ABCA12: variants seen among roughly 807,000 people sequenced by gnomAD.
ABCA12 encodes the protein glucosylceramide transporter ABCA12.
A neutral mutation model predicts 293.5 loss-of-function variants in ABCA12; 156 were observed. That is an observed-to-expected ratio of 0.53 (90% CI 0.47 to 0.61). The LOEUF is 0.61. Among genes scored for constraint, ABCA12 ranks in the 20% least tolerant of loss-of-function variants. ABCA12 has a pLI of 0.00. For synonymous variants in ABCA12, 1,063 were observed against 1,108.0 expected (o/e 0.96, Z 0.81); for missense variants, 2,797 against 3,090.2 (o/e 0.91, Z 2.25).
chr2:215,071,006 C>T (rs1430044479), intron 2 of ABCA12, among the ~76,000 whole-genome samples: 1 of 151,630 alleles, frequency 6.6e-6, no homozygotes, highest in African/African-American at 2.4e-5. Context: ...CATGGCGAAA[C>T]CCTGTTTCTA....
chr2:215,102,100 G>A (rs1702369201), intron 2 of ABCA12, among the ~76,000 whole-genome samples: 1 of 152,042 alleles, frequency 6.6e-6, no homozygotes. Context: ...AAAAGTCCTA[G>A]CAAATGTACA....
chr2:215,078,114 T>C (rs1701867884), intron 2 of ABCA12, among the ~76,000 whole-genome samples: 1 of 152,228 alleles, frequency 6.6e-6, no homozygotes, highest in Non-Finnish European at 1.5e-5. Context: ...ATCTCTCTTC[T>C]CGCATTTTTA....
rs367715782 is a variant in ABCA12 at position 214,953,958 on chromosome 2, A to G, written c.6543T>C (p.Phe2181=). ...ACATTGCACCTAGTTTATTCATCTC[A>G]AAGGTTTCATTTGGGTATTCCACTC... ...AYGVEYPNET[F]EMNKLGAMFV... Residue 2181 remains phenylalanine (F), a synonymous_variant, in exon 44 of 53, where the codon TTT becomes TTC. Coordinates refer to ENST00000272895, the MANE Select transcript of ABCA12 (RefSeq NM_173076.3). 1.3e-4 allele frequency: 216 copies of G among 1,614,024 alleles called. No homozygotes were observed. Among genetic ancestry groups the G allele is most frequent in the Non-Finnish European group, 1.6e-4 (193 of 1,179,990 alleles).
intron 8 of ABCA12, 72 bp downstream of exon 8, chr2:215,036,881 T>C: frequency 2.3e-6 from 3 of 1,318,402 alleles, no homozygotes; most frequent in Non-Finnish European, 3.3e-6. Context: ...ATTACTTTCA[T>C]TGCACTCTGC....
rs772743493 is a variant in ABCA12 at position 214,958,231 on chromosome 2, C to T, written c.6117+46G>A. On this transcript the variant is annotated intron_variant, in intron 41 of 52. Coordinates refer to ENST00000272895, the MANE Select transcript of ABCA12 (RefSeq NM_173076.3). The stretch of plus-strand genomic sequence containing the variant: ...GAATAGAAAACTGATGTCTTCTATC[C>T]AAATTGATCTTTTATTCCCTGCAAT... The T allele has an allele frequency of 3.1e-6, 5 of 1,609,994 alleles. No individual in the cohort carries two copies. The African/African-American group carries it at 5.3e-5, about 17-fold the overall frequency.
chr2:214,974,108 C>CTCAT, intron 35 of ABCA12, 66 bp from the exon 36 acceptor site: 2 of 1,359,848 alleles, frequency 1.5e-6, no homozygotes, highest in Non-Finnish European at 2.1e-6. Flanking sequence ...TACATATGAG[C>CTCAT]ATGTAAACAA....
At chr2:215,062,335 G>C (rs566729172) in intron 3 of ABCA12, among the ~76,000 whole-genome samples, 1 of 152,096 alleles carries the variant, frequency 6.6e-6, no homozygotes, top group South Asian at 2.1e-4. Context: ...TTATACAAGA[G>C]GGAATAGACA....
At chr2:215,003,593 G>A (rs565328416) in intron 20 of ABCA12, among the ~76,000 whole-genome samples, 163 of 151,898 alleles carry the variant, frequency 1.1e-3, no homozygotes, top group Non-Finnish European at 2.0e-3. Context: ...CTAAAATAAA[G>A]TGCTCCCTTA....
chr2:215,086,960 A>G (rs1702053154), intron 2 of ABCA12, among the ~76,000 whole-genome samples: 1 of 135,878 alleles, frequency 7.4e-6, no homozygotes, highest in Non-Finnish European at 1.5e-5. Context: ...TTATTATTTT[A>G]TGACAGAGTG....
In ABCA12 at chr2:215,138,273, G is replaced by T; in HGVS notation, c.-65C>A. On this transcript the variant is annotated 5_prime_UTR_variant, in exon 1 of 53. Transcript: ENST00000272895. ...TCCACTCCACAAATGAAGAACTGAT[G>T]CCCCGTCCAACTTGCTGTATGTCAG... is the stretch of plus-strand genomic sequence containing the variant. 2 of 1,551,460 alleles carry T rather than the reference G, an allele frequency of 1.3e-6. No individual in the cohort carries two copies. The highest frequency in any genetic ancestry group is 1.8e-6 in the Non-Finnish European group (2 of 1,123,086).
intron 1 of ABCA12, among the ~76,000 whole-genome samples, chr2:215,130,992 T>C (rs755748000): frequency 1.3e-5 from 2 of 152,024 alleles, no homozygotes; most frequent in Non-Finnish European, 2.9e-5. Context: ...TTTCTGCATC[T>C]ATTGAGATGA....
chr2:215,018,149 G>A lies in ABCA12; in HGVS notation c.1658-17C>T. The stretch of plus-strand genomic sequence containing the variant: ...GTAACTGACCTGCAAGAAGAAAAAT[G>A]TAAAAAGAAAACCCATGTTGGTTTG... On this transcript the variant is annotated splice_polypyrimidine_tract_variant and intron_variant, in intron 13 of 52. Coordinates refer to ENST00000272895, the MANE Select transcript of ABCA12 (RefSeq NM_173076.3). 1 of 1,608,432 alleles carries A rather than the reference G, an allele frequency of 6.2e-7. No homozygotes were observed. The highest frequency in any genetic ancestry group is 8.5e-7 in the Non-Finnish European group (1 of 1,177,784).
At chr2:214,941,327 T>C (rs1439434390) in intron 50 of ABCA12, among the ~76,000 whole-genome samples, 2 of 152,238 alleles carry the variant, frequency 1.3e-5, no homozygotes, top group African/African-American at 4.8e-5. Context: ...CTGTTTGTTA[T>C]GATTTCTGTT....
At chr2:214,994,418 A>G (rs1322861243) in intron 23 of ABCA12, among the ~76,000 whole-genome samples, 1 of 152,250 alleles carries the variant, frequency 6.6e-6, no homozygotes, top group Non-Finnish European at 1.5e-5. Flanking sequence ...TATAGCAGAG[A>G]ATAAGAAAGA....
intron 2 of ABCA12, among the ~76,000 whole-genome samples, chr2:215,082,150 T>G (rs1466051340): frequency 2.7e-5 from 4 of 146,064 alleles, no homozygotes. Flanking sequence ...GTTCACGCCA[T>G]TCTCCTGCCT....
chr2:215,109,377 G>C (rs1702524895), intron 2 of ABCA12, among the ~76,000 whole-genome samples: 1 of 152,090 alleles, frequency 6.6e-6, no homozygotes, highest in African/African-American at 2.4e-5. Flanking sequence ...TGTGTTGCAG[G>C]TTTCTCATTT....
chr2:215,028,514 C>A (rs1036287348), intron 9 of ABCA12, among the ~76,000 whole-genome samples: 46 of 152,100 alleles, frequency 3.0e-4, no homozygotes, highest in African/African-American at 1.1e-3. Flanking sequence ...TGGACTCAGA[C>A]CTTAGAGATT....
At chr2:214,955,927 G>T (rs1698933502) in intron 42 of ABCA12, among the ~76,000 whole-genome samples, 1 of 152,134 alleles carries the variant, frequency 6.6e-6, no homozygotes, top group Admixed American at 6.5e-5. Context: ...AAGCCTTTTA[G>T]GTTGCTCAGA....
At chr2:214,969,602 T>C (rs1035050227) in intron 37 of ABCA12, among the ~76,000 whole-genome samples, 1 of 152,148 alleles carries the variant, frequency 6.6e-6, no homozygotes. Flanking sequence ...TTTACATGTA[T>C]ATCTGTGACA....
Sources: allele counts gnomAD v4.1 joint callset (sites outside exome capture counted in the v4.1 genomes callset), GRCh38; gene constraint gnomAD v4.1.1; transcripts MANE v1.5; gene names NCBI Gene and HGNC (gene_info 2026-07-23, HGNC 2026-07-21).